The following RBFOX2 variants were observed in gnomAD, a reference collection of about 807,000 sequenced individuals.
The protein encoded by RBFOX2 is RNA binding protein fox-1 homolog 2.
A neutral mutation model predicts 49.1 loss-of-function variants in RBFOX2; 10 were observed. The observed-to-expected ratio is 0.20, with a 90% CI of 0.13 to 0.35. The LOEUF is 0.35. Ranked by LOEUF, RBFOX2 falls within the 10% of genes least tolerant of loss-of-function variation. The pLI is 1.00. For synonymous variants in RBFOX2, 183 were observed against 187.4 expected, an observed-to-expected ratio of 0.98 and a Z score of 0.19; for missense variants, 323 against 486.9, an observed-to-expected ratio of 0.66 and a Z score of 3.17.
In RBFOX2 at chr22:35,809,763, C is replaced by T. The variant is rs746079588; in HGVS notation, c.252+17G>A. 4 of 1,607,970 alleles carry T rather than the reference C, an allele frequency of 2.5e-6. No individual in the cohort carries two copies. Among genetic ancestry groups the T allele is most frequent in the Non-Finnish European group, 3.4e-6 (4 of 1,177,740 alleles). ...TTGCCATGCATCCTTCCATTTTTCA[C>T]CTCATGGTCCACGTACCGTAAGAGA... is the stretch of plus-strand genomic sequence containing the variant. On this transcript the variant is annotated intron_variant, in intron 2 of 11. Coordinates refer to ENST00000405409, the Ensembl canonical transcript of RBFOX2.
chr22:35,843,372 G>T (rs981079920), upstream of RBFOX2, among the ~76,000 whole-genome samples: 3 of 152,114 alleles, frequency 2.0e-5, no homozygotes, highest in African/African-American at 7.2e-5. Context: ...CTGGGACGTG[G>T]TAAGTACTCA....
At chr22:35,987,281 G>C (rs1169463343) in intron 1 of RBFOX2, among the ~76,000 whole-genome samples, 1 of 152,166 alleles carries the variant, frequency 6.6e-6, no homozygotes, top group Non-Finnish European at 1.5e-5. Context: ...AATTTAGGCT[G>C]TTCTTTACAA....
At chr22:35,897,399 G>A in intron 1 of RBFOX2, 1 of 1,010,592 alleles carries the variant, frequency 9.9e-7, no homozygotes, top group Non-Finnish European at 1.6e-6. Flanking sequence ...TTCTAAGCTG[G>A]GCAGGTGAGA....
At chr22:35,937,291 C>G (rs2053196254) in intron 1 of RBFOX2, among the ~76,000 whole-genome samples, 1 of 152,202 alleles carries the variant, frequency 6.6e-6, no homozygotes, top group Non-Finnish European at 1.5e-5. Context: ...AGGACAGACA[C>G]AAACCAGAAT....
intron 1 of RBFOX2, among the ~76,000 whole-genome samples, chr22:35,943,972 G>GA (rs533148745): frequency 1.3e-5 from 2 of 152,238 alleles, no homozygotes; most frequent in Non-Finnish European, 1.5e-5. Flanking sequence ...TACACAGCAA[G>GA]AAAAATAGCA....
upstream of RBFOX2, chr22:35,840,613 CGCGTGTGTGCGTGTGT>C (rs879329536): frequency 3.0e-3 from 3,365 of 1,105,956 alleles, 1 homozygote; most frequent in Non-Finnish European, 3.5e-3. Flanking sequence ...GCTGTGCGCA[CGCGTGTGTGCGTGTGT>C]GCGTGTGTGT....
chr22:35,988,933 T>C (rs1319803328), intron 1 of RBFOX2, among the ~76,000 whole-genome samples: 1 of 152,226 alleles, frequency 6.6e-6, no homozygotes, highest in Non-Finnish European at 1.5e-5. Context: ...CTCATGCCTG[T>C]AATCCCAGCA....
At chr22:35,929,810 G>C (rs995457707) in intron 1 of RBFOX2, among the ~76,000 whole-genome samples, 2 of 152,032 alleles carry the variant, frequency 1.3e-5, no homozygotes, top group Non-Finnish European at 2.9e-5. Context: ...TATAAAGTCA[G>C]AAAGCAGAGC....
chr22:35,954,828 T>C (rs2055366763), intron 1 of RBFOX2, among the ~76,000 whole-genome samples: 1 of 152,128 alleles, frequency 6.6e-6, no homozygotes, highest in Admixed American at 6.5e-5. Context: ...ATATGAACCA[T>C]GTAATAAAAT....
At chr22:35,897,492 G>A in intron 1 of RBFOX2, 1 of 819,508 alleles carries the variant, frequency 1.2e-6, no homozygotes. Flanking sequence ...AAAGTCTCTT[G>A]CTACCCACTG....
At chr22:35,839,838 GGCA>G (rs1036461407) in intron 1 of RBFOX2, among the ~76,000 whole-genome samples, 1 of 151,988 alleles carries the variant, frequency 6.6e-6, no homozygotes, top group Non-Finnish European at 1.5e-5. Context: ...CCCTCTTTTT[GGCA>G]GTCTACAAGA....
At chr22:35,744,109 T>C in exon 12 of RBFOX2, 1 of 1,109,650 alleles carries the variant, frequency 9.0e-7, no homozygotes, top group Non-Finnish European at 1.2e-6. Context: ...GTTTTTCCTC[T>C]TCATCTTGCT....
At chr22:35,840,266 C>A in exon 1 of RBFOX2, 1 of 1,614,038 alleles carries the variant, frequency 6.2e-7, no homozygotes, top group Non-Finnish European at 8.5e-7. Flanking sequence ...CGTGCTGGGG[C>A]ACACCTCCAC....
At chr22:35,842,023 T>C (rs1389270617), upstream of RBFOX2, among the ~76,000 whole-genome samples, 6 of 152,168 alleles carry the variant, frequency 3.9e-5, no homozygotes, top group East Asian at 1.9e-4. Flanking sequence ...CAAATCCCTA[T>C]CTCTATTGTG....
intron 1 of RBFOX2, chr22:35,992,276 A>G (rs2058014878): frequency 6.6e-6 from 1 of 152,236 alleles, no homozygotes; most frequent in Middle Eastern, 3.4e-3. Context: ...GCTTAGAGAG[A>G]CAACAGATAA....
intron 1 of RBFOX2, among the ~76,000 whole-genome samples, chr22:35,925,732 C>T (rs1237100875): frequency 1.3e-5 from 2 of 152,110 alleles, no homozygotes; most frequent in Non-Finnish European, 2.9e-5. Context: ...GCTACCCCAC[C>T]CCACAGTGTG....
rs141205681 is a variant in RBFOX2, at chr22:35,813,301, T to C, written c.28-3297A>G. ...ATTTCCAGGCCATATTCCAAAGTTC[T>C]ATGCTCAGAAGAGAAGTACAACAGC... On this transcript the variant is annotated intron_variant, in intron 1 of 11. Coordinates refer to ENST00000405409, the Ensembl canonical transcript of RBFOX2. Among the ~76,000 whole-genome samples the C allele has an allele frequency of 2.0e-4, 30 of 152,342 alleles. 1 individual carries two copies. The East Asian group carries it at 5.6e-3, about 28-fold the overall frequency.
intron 1 of RBFOX2, among the ~76,000 whole-genome samples, chr22:35,986,425 C>A (rs746794899): frequency 6.6e-6 from 1 of 152,114 alleles, no homozygotes; most frequent in Non-Finnish European, 1.5e-5. Context: ...AGCTCACTGT[C>A]TGAATGGAAA....
intron 1 of RBFOX2, among the ~76,000 whole-genome samples, chr22:35,927,150 G>A (rs1022277669): frequency 2.0e-5 from 3 of 152,150 alleles, no homozygotes; most frequent in Non-Finnish European, 4.4e-5. Flanking sequence ...ACAATCAGAG[G>A]CAATAAGGAA....
Sources: gnomAD v4.1 joint callset for allele counts (sites outside exome capture counted in the v4.1 genomes callset) on GRCh38, gnomAD v4.1.1 for gene constraint, MANE v1.5 for transcripts, NCBI Gene and HGNC (gene_info 2026-07-23, HGNC 2026-07-21) for gene names.